Variants in TMPRSS2 observed in about 807,000 individuals in gnomAD.
TMPRSS2 encodes the protein transmembrane protease serine 2.
A neutral mutation model predicts 67.4 loss-of-function variants in TMPRSS2; 59 were observed. That is an observed-to-expected ratio of 0.88 (90% CI 0.71 to 1.09). The LOEUF is 1.09. Ranked by LOEUF, TMPRSS2 falls within the 50% of genes least tolerant of loss-of-function variation. TMPRSS2 has a pLI of 0.00. For missense variants in TMPRSS2, 668 were observed against 642.7 expected, an observed-to-expected ratio of 1.04 and a Z score of -0.43; for synonymous variants, 257 against 257.0, an observed-to-expected ratio of 1.00 and a Z score of 0.00.
At chr21:41,488,689 G>C (rs1381087211) in intron 4 of TMPRSS2, among the ~76,000 whole-genome samples, 176 bp from the exon 5 acceptor site, 1 of 152,170 alleles carries the variant, frequency 6.6e-6, no homozygotes, top group Non-Finnish European at 1.5e-5. Flanking sequence ...CCAGGCTGGA[G>C]TGCAGGGGCA....
At chr21:41,507,286 C>G (rs1249387071) in intron 1 of TMPRSS2, among the ~76,000 whole-genome samples, 1 of 152,182 alleles carries the variant, frequency 6.6e-6, no homozygotes, top group Non-Finnish European at 1.5e-5. Context: ...TGGACCGAAG[C>G]GCCCAGGTGC....
intron 5 of TMPRSS2, among the ~76,000 whole-genome samples, chr21:41,481,966 C>A (rs183385443): frequency 6.6e-6 from 1 of 152,134 alleles, no homozygotes; most frequent in African/African-American, 2.4e-5. Context: ...GAGGCTGAGG[C>A]AGGGGAATTG....
chr21:41,493,467 T>C (rs920138260), intron 3 of TMPRSS2, among the ~76,000 whole-genome samples: 3 of 152,208 alleles, frequency 2.0e-5, no homozygotes, highest in Non-Finnish European at 2.9e-5. Context: ...ATTAATCACG[T>C]TGATGACTGA....
At chr21:41,499,134 T>C (rs181091055) in intron 1 of TMPRSS2, among the ~76,000 whole-genome samples, 1 of 152,282 alleles carries the variant, frequency 6.6e-6, no homozygotes, top group East Asian at 1.9e-4. Flanking sequence ...ATGTCCACAG[T>C]CACTCCATTT....
intron 1 of TMPRSS2, among the ~76,000 whole-genome samples, chr21:41,505,678 G>C (rs1194006489): frequency 6.6e-6 from 1 of 152,174 alleles, no homozygotes; most frequent in Non-Finnish European, 1.5e-5. Flanking sequence ...ACCAGAGCCT[G>C]GCCCAGGAAC....
At position 41,488,382 on chromosome 21, in the gene TMPRSS2, A is replaced by T. The variant is rs1483490966; in HGVS notation, c.445+12T>A. ...GCAGAGGAGTCCCTTCCCAAGGTCA[A>T]GGCTGACTCACCACACCGATTCTCG... is the stretch of plus-strand genomic sequence containing the variant. On this transcript the variant is annotated intron_variant, in intron 5 of 13. Transcript: ENST00000332149. 6 of 1,609,874 alleles carry T rather than the reference A, an allele frequency of 3.7e-6. No individual in the cohort carries two copies. Among genetic ancestry groups the T allele is most frequent in the Non-Finnish European group, 5.1e-6 (6 of 1,177,456 alleles).
chr21:41,465,720 G>C lies in TMPRSS2; in HGVS notation c.*422C>G, dbSNP rs753199293. ...GGGGACACTACCAAGTGGCCCCAGA[G>C]GGCAGCCGCTGCAGGTGCCACCTGG... On this transcript the variant is annotated 3_prime_UTR_variant, in exon 14 of 14. Coordinates refer to ENST00000332149, the MANE Select transcript of TMPRSS2 (RefSeq NM_005656.4). 3.8e-6 allele frequency: 1 copy of C among 265,822 alleles called. No homozygotes were observed. 16.5% of individuals were successfully genotyped at this position (265,822 alleles called of 1,614,324 possible). A position where few individuals can be genotyped will look rare whatever the true frequency, so the allele number is the denominator to read the frequency against.
intron 9 of TMPRSS2, 55 bp from the exon 10 acceptor site, chr21:41,472,036 G>T: frequency 6.9e-7 from 1 of 1,457,286 alleles, no homozygotes. Context: ...AGCTCTCAGT[G>T]GATGAACTTC....
In TMPRSS2 at chr21:41,467,996, A is replaced by C. The variant is rs1370681789; in HGVS notation, c.1315-110T>G. The C allele has an allele frequency of 7.4e-6, 9 of 1,221,720 alleles. No homozygotes were observed. The South Asian group carries it at 1.2e-4, about 17-fold the overall frequency. The allele number at this position is 1,221,720 out of a possible 1,614,324, so 75.7% of individuals were successfully genotyped here. A position where few individuals can be genotyped will look rare whatever the true frequency, so the allele number is the denominator to read the frequency against. The stretch of plus-strand genomic sequence containing the variant: ...GGCGGGGGTCGCAGTGTGAGTTACG[A>C]GTGACTGTGTGGGCTTCGAATCTCC... On this transcript the variant is annotated intron_variant, in intron 12 of 13. Coordinates refer to ENST00000332149, the MANE Select transcript of TMPRSS2 (RefSeq NM_005656.4).
intron 7 of TMPRSS2, among the ~76,000 whole-genome samples, chr21:41,477,261 A>T (rs1004451969): frequency 1.3e-5 from 2 of 152,196 alleles, no homozygotes; most frequent in African/African-American, 4.8e-5. Flanking sequence ...GAGCGTCAAT[A>T]TCGGACTAGG....
At chr21:41,476,074 C>G (rs1358649898) in intron 8 of TMPRSS2, among the ~76,000 whole-genome samples, 2 of 152,058 alleles carry the variant, frequency 1.3e-5, no homozygotes, top group Non-Finnish European at 2.9e-5. Flanking sequence ...ATGGGGACAC[C>G]CAAGTCTAAG....
chr21:41,476,442 G>T, intron 8 of TMPRSS2, 135 bp downstream of exon 8: 1 of 812,266 alleles, frequency 1.2e-6, no homozygotes, highest in Non-Finnish European at 2.0e-6. Flanking sequence ...AGAGCGAGAC[G>T]CCGCTGGGCA....
chr21:41,505,446 G>C (rs1178286286), intron 1 of TMPRSS2, among the ~76,000 whole-genome samples: 2 of 152,210 alleles, frequency 1.3e-5, no homozygotes, highest in African/African-American at 2.4e-5. Flanking sequence ...TCGTGGTGGT[G>C]GTGGTTACTG....
At chr21:41,494,697 T>A (rs532276666) in intron 2 of TMPRSS2, 119 bp from the exon 3 acceptor site, 3 of 998,970 alleles carry the variant, frequency 3.0e-6, no homozygotes, top group African/African-American at 1.6e-5. Context: ...ATAATGTTTT[T>A]ATTTTATTTT....
Position 41,489,493 on chromosome 21 carries a change from C to A in TMPRSS2, c.325+14G>T. The A allele has an allele frequency of 6.2e-7, 1 of 1,612,388 alleles. No individual in the cohort carries two copies. Among genetic ancestry groups the A allele is most frequent in the Non-Finnish European group, 8.5e-7 (1 of 1,178,708 alleles). On this transcript the variant is annotated intron_variant, in intron 4 of 13. Coordinates refer to ENST00000332149, the MANE Select transcript of TMPRSS2 (RefSeq NM_005656.4). The stretch of plus-strand genomic sequence containing the variant: ...GCAGGAGCACATGGTGGGATCGAGG[C>A]TCCCTGCACTTACTGAACTTCCAGA...
chr21:41,468,292 G>A (rs981910697), intron 12 of TMPRSS2, 104 bp downstream of exon 12: 16 of 1,457,072 alleles, frequency 1.1e-5, no homozygotes, highest in Admixed American at 1.9e-5. Context: ...AGCTGGCTCC[G>A]TGTCACTGAG....
At chr21:41,496,134 G>A (rs779520051) in intron 2 of TMPRSS2, among the ~76,000 whole-genome samples, 34 of 152,220 alleles carry the variant, frequency 2.2e-4, no homozygotes, top group African/African-American at 7.2e-4. Flanking sequence ...CTCAGCTGCC[G>A]CCAGGCTCCT....
At position 41,476,140 on chromosome 21, in the gene TMPRSS2, G is replaced by A. The variant is rs947864823; in HGVS notation, c.727+437C>T. 8.5e-5 allele frequency among the ~76,000 whole-genome samples: 13 copies of A among 152,296 alleles called. No homozygotes were observed. In the East Asian group the frequency reaches 1.3e-3, roughly 16 times the overall value. ...AAGAGCACTGTTGTTCTCTGGTCTT[G>A]TCCCTCCTCCCGGGTCCCACTGGCT... On this transcript the variant is annotated intron_variant, in intron 8 of 13. Coordinates refer to ENST00000332149, the MANE Select transcript of TMPRSS2 (RefSeq NM_005656.4).
At chr21:41,472,340 G>A (rs953280480) in intron 9 of TMPRSS2, among the ~76,000 whole-genome samples, 1 of 152,206 alleles carries the variant, frequency 6.6e-6, no homozygotes, top group African/African-American at 2.4e-5. Context: ...CATGGTAGGT[G>A]CTTAATAAAT....
Sources: gnomAD v4.1 joint callset for allele counts (sites outside exome capture counted in the v4.1 genomes callset) on GRCh38, gnomAD v4.1.1 for gene constraint, MANE v1.5 for transcripts, NCBI Gene and HGNC (gene_info 2026-07-23, HGNC 2026-07-21) for gene names.